The following PDE4D variants were observed in gnomAD, a reference collection of about 807,000 sequenced individuals.
PDE4D encodes the protein phosphodiesterase 4D.
A neutral mutation model predicts 87.4 loss-of-function variants in PDE4D; 24 were observed. The ratio of observed to expected loss-of-function variants is 0.27; its 90% CI spans 0.20 to 0.39. The LOEUF (loss-of-function observed/expected upper bound fraction) is 0.39, where lower values mean the gene tolerates loss of function less well. PDE4D is among the 10% of genes least tolerant of loss of function. The pLI is 1.00. For missense variants in PDE4D, 714 were observed against 1,041.0 expected, an observed-to-expected ratio of 0.69 and a Z score of 4.32; for synonymous variants, 384 against 383.2, an observed-to-expected ratio of 1.00 and a Z score of -0.02.
At chr5:59,341,977 G>A (rs975464650) in intron 1 of PDE4D, among the ~76,000 whole-genome samples, 10 of 152,158 alleles carry the variant, frequency 6.6e-5, no homozygotes, top group Middle Eastern at 3.4e-3. Flanking sequence ...TGATGTAGGC[G>A]CAGAGGCACC....
chr5:60,406,697 C>A (rs1364427938), intron 1 of PDE4D, among the ~76,000 whole-genome samples: 1 of 152,036 alleles, frequency 6.6e-6, no homozygotes, highest in Non-Finnish European at 1.5e-5. Context: ...TTATTTTATT[C>A]CAGGCTGCCT....
Position 59,669,679 on chromosome 5 carries a change from T to C in PDE4D, c.455+223489A>G, listed in dbSNP as rs768397838. 1.1e-3 allele frequency among the ~76,000 whole-genome samples: 162 copies of C among 152,304 alleles called. 1 individual carries two copies. The highest frequency in any genetic ancestry group is 3.1e-4 in the Non-Finnish European group (21 of 68,036). ...TCCTTCCAGCACCTGAAATACTTCA[T>C]GGGAGACCACAGTTTTCATTCCATA... On this transcript the variant is annotated intron_variant, in intron 1 of 14. Transcript: ENST00000340635.
chr5:59,786,343 T>A (rs1765172194), intron 1 of PDE4D, among the ~76,000 whole-genome samples: 2 of 152,200 alleles, frequency 1.3e-5, no homozygotes, highest in Admixed American at 1.3e-4. Context: ...TTAAAATAAA[T>A]TCAGGCTGTA....
chr5:59,280,128 G>A (rs180785847), intron 1 of PDE4D, among the ~76,000 whole-genome samples: 1 of 152,150 alleles, frequency 6.6e-6, no homozygotes, highest in East Asian at 1.9e-4. Flanking sequence ...ACAACATCAT[G>A]AGTTTGTTAG....
chr5:59,852,076 G>C (rs545633841), intron 1 of PDE4D, among the ~76,000 whole-genome samples: 3 of 152,104 alleles, frequency 2.0e-5, no homozygotes, highest in African/African-American at 4.8e-5. Context: ...TAAGATCTTG[G>C]ACTTCGAGCT....
At chr5:59,768,736 A>G in intron 1 of PDE4D, 1 of 1,050,640 alleles carries the variant, frequency 9.5e-7, no homozygotes, top group Non-Finnish European at 1.3e-6. Context: ...GCCCCTGCCA[A>G]AGATCACTGA....
intron 1 of PDE4D, among the ~76,000 whole-genome samples, chr5:60,243,712 C>A (rs988979080): frequency 6.6e-6 from 1 of 151,754 alleles, no homozygotes; most frequent in African/African-American, 2.4e-5. Context: ...GAACAAAAAC[C>A]ATTTCAATTG....
At chr5:59,150,691 T>C (rs371458073) in intron 5 of PDE4D, among the ~76,000 whole-genome samples, 11 of 152,290 alleles carry the variant, frequency 7.2e-5, no homozygotes, top group African/African-American at 2.6e-4. Context: ...AGGCAATTCA[T>C]GGGTTTACCA....
intron 6 of PDE4D, among the ~76,000 whole-genome samples, chr5:59,012,951 T>G (rs10040395): frequency 0.2 from 31,050 of 151,996 alleles, 3,607 homozygotes; most frequent in East Asian, 0.54. Flanking sequence ...ATAACAAATT[T>G]TCTCTCAGAC....
chr5:59,113,935 G>A (rs981850811), intron 5 of PDE4D, among the ~76,000 whole-genome samples: 2 of 152,174 alleles, frequency 1.3e-5, no homozygotes, highest in African/African-American at 2.4e-5. Context: ...CTAGGCCACT[G>A]TTACTGCTAC....
At chr5:59,196,100 A>G (rs942061468) in intron 2 of PDE4D, among the ~76,000 whole-genome samples, 7 of 152,214 alleles carry the variant, frequency 4.6e-5, no homozygotes, top group Admixed American at 2.6e-4. Context: ...TCTGGGGAAA[A>G]AAAGATATGA....
intron 1 of PDE4D, among the ~76,000 whole-genome samples, chr5:59,294,332 A>G (rs1201723590): frequency 6.6e-6 from 1 of 152,106 alleles, no homozygotes; most frequent in East Asian, 1.9e-4. Context: ...TTTACAAACC[A>G]CAGCATGAAT....
At chr5:60,289,574 T>C (rs1370172909) in intron 1 of PDE4D, among the ~76,000 whole-genome samples, 1 of 152,118 alleles carries the variant, frequency 6.6e-6, no homozygotes, top group African/African-American at 2.4e-5. Flanking sequence ...GAAATAGCAA[T>C]AAAAAATAAC....
chr5:59,826,157 G>A (rs6859488), intron 1 of PDE4D, among the ~76,000 whole-genome samples: 10,359 of 152,124 alleles, frequency 0.068, 1,227 homozygotes, highest in African/African-American at 0.24. Context: ...TATTTTGTAA[G>A]CATGATTCTC....
intron 1 of PDE4D, among the ~76,000 whole-genome samples, chr5:59,531,115 A>G (rs929311976): frequency 6.6e-6 from 1 of 152,238 alleles, no homozygotes; most frequent in African/African-American, 2.4e-5. Flanking sequence ...TTGAAACTTC[A>G]TCCTAAATCA....
chr5:60,274,746 C>T (rs948185639), intron 1 of PDE4D, among the ~76,000 whole-genome samples: 1 of 152,224 alleles, frequency 6.6e-6, no homozygotes, highest in Non-Finnish European at 1.5e-5. Context: ...AGAGATCATT[C>T]AGATTGCTTG....
At chr5:59,593,667 G>C (rs981025318) in intron 1 of PDE4D, among the ~76,000 whole-genome samples, 2 of 152,174 alleles carry the variant, frequency 1.3e-5, no homozygotes, top group Non-Finnish European at 2.9e-5. Context: ...TAGACAGTAG[G>C]CTATGGAGAA....
Position 60,014,918 on chromosome 5 carries a change from C to T in PDE4D, c.43-26201G>A, listed in dbSNP as rs114824734. Among the ~76,000 whole-genome samples, 1,109 of 152,260 alleles carry T rather than the reference C, an allele frequency of 7.3e-3. 13 individuals carry two copies. The highest frequency in any genetic ancestry group is 0.026 in the African/African-American group (1,064 of 41,542). ...GCACTGAAAACAATGGAATAGAAAT[C>T]CACATCCAGAGAACAGGATCCTTTT... is the stretch of plus-strand genomic sequence containing the variant. On this transcript the variant is annotated intron_variant, in intron 2 of 16. Transcript: ENST00000502484.
chr5:59,269,214 GCGTCTTGCT>G, intron 1 of PDE4D, among the ~76,000 whole-genome samples: 1 of 152,060 alleles, frequency 6.6e-6, no homozygotes, highest in East Asian at 1.9e-4. Flanking sequence ...ACCAAAAGAA[GCGTCTTGCT>G]TCTGAAGAAT....
Sources: gnomAD v4.1 joint callset for allele counts (sites outside exome capture counted in the v4.1 genomes callset) on GRCh38, gnomAD v4.1.1 for gene constraint, MANE v1.5 for transcripts, NCBI Gene and HGNC (gene_info 2026-07-23, HGNC 2026-07-21) for gene names.